Variants in ADGRB3 observed in about 807,000 individuals in gnomAD.
The protein encoded by ADGRB3 is adhesion G protein-coupled receptor B3.
ADGRB3 carries 37 observed loss-of-function variants against 193.4 expected under a neutral mutation model. That is an observed-to-expected ratio of 0.19 (90% CI 0.15 to 0.25). The LOEUF (loss-of-function observed/expected upper bound fraction) is 0.25, where lower values mean the gene tolerates loss of function less well. Ranked by LOEUF, ADGRB3 falls within the 10% of genes least tolerant of loss-of-function variation. The probability of loss-of-function intolerance (pLI) is 1.00; values close to 1 mark genes in which losing one functional copy is unlikely to be tolerated. For missense variants in ADGRB3, 1,637 were observed against 1,852.9 expected, an observed-to-expected ratio of 0.88 and a Z score of 2.14; for synonymous variants, 690 against 644.2, an observed-to-expected ratio of 1.07 and a Z score of -1.08.
chr6:69,104,427 A>G (rs1773153537), intron 17 of ADGRB3, among the ~76,000 whole-genome samples: 1 of 151,754 alleles, frequency 6.6e-6, no homozygotes, highest in South Asian at 2.1e-4. Flanking sequence ...TTCTTAATCC[A>G]GTCTATTATT....
At chr6:69,108,987 G>A (rs1030350623) in intron 17 of ADGRB3, among the ~76,000 whole-genome samples, 1 of 152,142 alleles carries the variant, frequency 6.6e-6, no homozygotes, top group African/African-American at 2.4e-5. Flanking sequence ...GGGCACACAA[G>A]GCTGCACCAA....
At chr6:68,829,351 CT>C (rs1250131417) in intron 3 of ADGRB3, among the ~76,000 whole-genome samples, 1 of 151,988 alleles carries the variant, frequency 6.6e-6, no homozygotes, top group Non-Finnish European at 1.5e-5. Context: ...ATCCACCCAC[CT>C]CGGCTTCCCA....
intron 17 of ADGRB3, among the ~76,000 whole-genome samples, chr6:69,215,490 A>G (rs1765756735): frequency 6.6e-6 from 1 of 151,568 alleles, no homozygotes; most frequent in African/African-American, 2.4e-5. Flanking sequence ...GTGTAGATAG[A>G]TGTAGATAGA....
intron 3 of ADGRB3, among the ~76,000 whole-genome samples, chr6:68,909,896 T>G (rs1582306264): frequency 6.6e-6 from 1 of 152,314 alleles, no homozygotes; most frequent in East Asian, 1.9e-4. Context: ...AGCAGCATGA[T>G]TTATAATCCT....
intron 17 of ADGRB3, among the ~76,000 whole-genome samples, chr6:69,231,745 G>A (rs1054837245): frequency 1.3e-5 from 2 of 152,154 alleles, no homozygotes; most frequent in African/African-American, 4.8e-5. Context: ...CCAATACTTA[G>A]AAGTATTGGG....
chr6:68,917,181 T>C (rs1405896769), intron 3 of ADGRB3, among the ~76,000 whole-genome samples: 1 of 152,118 alleles, frequency 6.6e-6, no homozygotes, highest in Non-Finnish European at 1.5e-5. Flanking sequence ...GACATGGAGT[T>C]GGGAGAAAGA....
intron 17 of ADGRB3, among the ~76,000 whole-genome samples, chr6:69,224,432 G>T (rs953352661): frequency 6.6e-6 from 1 of 152,064 alleles, no homozygotes; most frequent in African/African-American, 2.4e-5. Context: ...CGAAAAATTG[G>T]TTCCTAGCCC....
At chr6:69,285,342 A>T (rs1049940468) in intron 20 of ADGRB3, among the ~76,000 whole-genome samples, 1 of 152,096 alleles carries the variant, frequency 6.6e-6, no homozygotes, top group Non-Finnish European at 1.5e-5. Context: ...AGCTTCCTCT[A>T]CTTCTAGTCG....
At chr6:68,943,793 C>A (rs771554593) in intron 5 of ADGRB3, 37 bp from the exon 6 acceptor site, 1 of 1,524,568 alleles carries the variant, frequency 6.6e-7, no homozygotes. Context: ...TTTTACTGCT[C>A]TGCTTTTGTT....
chr6:68,821,244 C>A (rs961868520), intron 3 of ADGRB3, among the ~76,000 whole-genome samples: 2 of 151,912 alleles, frequency 1.3e-5, no homozygotes, highest in African/African-American at 4.8e-5. Flanking sequence ...TATTGCTTTT[C>A]ATATTCTATG....
intron 3 of ADGRB3, among the ~76,000 whole-genome samples, chr6:68,892,659 T>A (rs76142184): frequency 0.09 from 13,719 of 152,120 alleles, 804 homozygotes; most frequent in Non-Finnish European, 0.13. Context: ...GGTTGTGCAA[T>A]AAATATTGGC....
chr6:68,886,167 TG>T (rs2150226924), intron 3 of ADGRB3, among the ~76,000 whole-genome samples: 1 of 152,246 alleles, frequency 6.6e-6, no homozygotes, highest in Non-Finnish European at 1.5e-5. Context: ...TGAAAGTACC[TG>T]TATCTCCACT....
chr6:68,645,806 G>T (rs1231177429), intron 3 of ADGRB3, among the ~76,000 whole-genome samples: 2 of 151,996 alleles, frequency 1.3e-5, no homozygotes, highest in Non-Finnish European at 2.9e-5. Context: ...CTGAGTAGCT[G>T]GGATTACAGG....
chr6:68,847,973 T>C (rs1007203302), intron 3 of ADGRB3, among the ~76,000 whole-genome samples: 5 of 152,178 alleles, frequency 3.3e-5, no homozygotes, highest in Admixed American at 3.3e-4. Flanking sequence ...TTTATGAACC[T>C]GAGTCATACA....
chr6:68,780,403 C>A (rs1371058847), intron 3 of ADGRB3, among the ~76,000 whole-genome samples: 1 of 151,934 alleles, frequency 6.6e-6, no homozygotes, highest in Admixed American at 6.6e-5. Flanking sequence ...AACCTTCAAG[C>A]AGAAGTGTTT....
At chr6:69,198,142 A>G (rs940539796) in intron 17 of ADGRB3, among the ~76,000 whole-genome samples, 1 of 152,094 alleles carries the variant, frequency 6.6e-6, no homozygotes, top group Non-Finnish European at 1.5e-5. Context: ...ATCTGATATA[A>G]TAAAAATTAT....
chr6:68,722,098 A>C (rs1765594383), intron 3 of ADGRB3, among the ~76,000 whole-genome samples: 2 of 151,718 alleles, frequency 1.3e-5, no homozygotes, highest in Admixed American at 1.3e-4. Flanking sequence ...TAAATCATTA[A>C]AAATTTAGCA....
At chr6:69,298,371 A>G (rs1427101286) in intron 20 of ADGRB3, among the ~76,000 whole-genome samples, 1 of 151,952 alleles carries the variant, frequency 6.6e-6, no homozygotes, top group Non-Finnish European at 1.5e-5. Context: ...ATATATAATA[A>G]TTGTATATAT....
At chr6:69,100,252 C>A (rs1034472313) in intron 17 of ADGRB3, among the ~76,000 whole-genome samples, 1 of 152,100 alleles carries the variant, frequency 6.6e-6, no homozygotes, top group Non-Finnish European at 1.5e-5. Flanking sequence ...TATATTCACG[C>A]TTTCTATTAA....
Sources: allele counts gnomAD v4.1 joint callset (sites outside exome capture counted in the v4.1 genomes callset), GRCh38; gene constraint gnomAD v4.1.1; transcripts MANE v1.5; gene names NCBI Gene and HGNC (gene_info 2026-07-23, HGNC 2026-07-21).